SYBU: variants seen among roughly 807,000 people sequenced by gnomAD.
SYBU encodes syntabulin.
Under a neutral mutation model 35.9 loss-of-function variants are expected in SYBU, and 21 were observed. The ratio of observed to expected loss-of-function variants is 0.58; its 90% CI spans 0.41 to 0.84. The LOEUF (loss-of-function observed/expected upper bound fraction) is 0.84. SYBU is among the 40% of genes least tolerant of loss of function. The pLI is 0.00. For missense variants in SYBU, 768 were observed against 848.2 expected (o/e 0.91, Z 1.17); for synonymous variants, 319 against 324.3 (o/e 0.98, Z 0.18).
At chr8:109,665,174 A>G (rs1461324011) in intron 1 of SYBU, among the ~76,000 whole-genome samples, 1 of 152,222 alleles carries the variant, frequency 6.6e-6, no homozygotes, top group African/African-American at 2.4e-5. Flanking sequence ...TAATTTAACA[A>G]TGTATTTTAT....
At chr8:109,686,011 C>T (rs1379841837) in intron 1 of SYBU, among the ~76,000 whole-genome samples, 2 of 152,200 alleles carry the variant, frequency 1.3e-5, no homozygotes, top group Non-Finnish European at 2.9e-5. Context: ...ATTCGTCCTA[C>T]AAGCACATCA....
upstream of SYBU, chr8:109,644,833 G>T (rs1815435796): frequency 1.6e-6 from 1 of 631,770 alleles, no homozygotes; most frequent in Admixed American, 3.9e-5. Flanking sequence ...GGGCTCCGAG[G>T]GCACGCCCGA....
intron 4 of SYBU, among the ~76,000 whole-genome samples, chr8:109,582,202 C>T (rs1345467252): frequency 5.9e-5 from 9 of 152,126 alleles, no homozygotes; most frequent in African/African-American, 1.4e-4. Flanking sequence ...GTGACCCTGG[C>T]GCTGTTTCAG....
At chr8:109,577,824 A>C in intron 6 of SYBU, 44 bp downstream of exon 6, 2 of 1,518,432 alleles carry the variant, frequency 1.3e-6, no homozygotes, top group South Asian at 1.3e-5. Context: ...TTTATGGAGA[A>C]AGAAGTTGTC....
intron 1 of SYBU, 21 bp downstream of exon 1, chr8:109,644,615 G>C: frequency 1.9e-6 from 3 of 1,544,184 alleles, no homozygotes; most frequent in Non-Finnish European, 2.6e-6. Context: ...TCCAGTGCCC[G>C]CACTGCCCCG....
At chr8:109,628,427 G>T (rs942745558) in intron 2 of SYBU, among the ~76,000 whole-genome samples, 1 of 151,868 alleles carries the variant, frequency 6.6e-6, no homozygotes, top group African/African-American at 2.4e-5. Flanking sequence ...CCACCTCCTG[G>T]GCTCAGGTGA....
intron 1 of SYBU, among the ~76,000 whole-genome samples, chr8:109,661,281 A>G (rs1816550740): frequency 6.6e-6 from 1 of 152,234 alleles, no homozygotes; most frequent in African/African-American, 2.4e-5. Flanking sequence ...CAGGGTGAGG[A>G]GCAGCTAAAG....
intron 1 of SYBU, among the ~76,000 whole-genome samples, chr8:109,664,648 A>G (rs1816693545): frequency 6.6e-6 from 1 of 152,182 alleles, no homozygotes; most frequent in Non-Finnish European, 1.5e-5. Context: ...TCCACTTGCA[A>G]TTGGAAAAAA....
intron 2 of SYBU, among the ~76,000 whole-genome samples, chr8:109,634,040 A>AC (rs1388127652): frequency 6.6e-6 from 1 of 152,066 alleles, no homozygotes; most frequent in Non-Finnish European, 1.5e-5. Context: ...GGATATAATT[A>AC]CCTTTTAGAT....
Position 109,644,622 on chromosome 8 carries a change from C to T in SYBU, c.24+14G>A. 1.3e-6 allele frequency: 2 copies of T among 1,544,444 alleles called. No homozygotes were observed. The highest frequency in any genetic ancestry group is 1.4e-5 in the African/African-American group (1 of 72,720). On this transcript the variant is annotated intron_variant, in intron 1 of 6. Coordinates refer to ENST00000276646, the MANE Select transcript of SYBU (RefSeq NM_001099754.2). ...CCCCGCCCTCCAGTGCCCGCACTGC[C>T]CCGCGCTCCTTACCTTGCTCTCGCG... is the stretch of plus-strand genomic sequence containing the variant.
intron 3 of SYBU, among the ~76,000 whole-genome samples, chr8:109,606,675 T>C (rs1339424572): frequency 2.6e-5 from 4 of 152,188 alleles, no homozygotes; most frequent in Non-Finnish European, 5.9e-5. Context: ...GAAATTATAC[T>C]TATGAAATAT....
In SYBU at chr8:109,579,988, C is replaced by A. The variant is rs1822836035; in HGVS notation, c.545G>T (p.Gly182Val). The change falls in exon 5 of 7, where the codon GGG (glycine) becomes GTG (valine). Residue 182 changes from glycine (G) to valine (V), a missense_variant. Gly to Val is a moderately radical substitution (Grantham distance 109, BLOSUM62 -3). Coordinates refer to ENST00000276646, the MANE Select transcript of SYBU (RefSeq NM_001099754.2). ...SSSSRNRGPH[G>V]RSNGASSHKP... The stretch of plus-strand genomic sequence containing the variant: ...GTGTGACGAAGCTCCATTACTCCGC[C>A]CATGAGGACCTCGACTGGGAGAAAA... The A allele has an allele frequency of 1.2e-6, 2 of 1,612,914 alleles. No individual in the cohort carries two copies. Among genetic ancestry groups the A allele is most frequent in the Non-Finnish European group, 1.7e-6 (2 of 1,179,986 alleles).
chr8:109,677,034 A>ATG (rs10638682), intron 1 of SYBU, among the ~76,000 whole-genome samples: 2,796 of 146,108 alleles, frequency 0.019, 69 homozygotes, highest in African/African-American at 0.058. Context: ...CAGGGTGTTC[A>ATG]TGTGTGTGTG....
chr8:109,607,782 C>T (rs994864871), intron 3 of SYBU: 1 of 505,730 alleles, frequency 2.0e-6, no homozygotes, highest in Non-Finnish European at 3.5e-6. Flanking sequence ...TTGTTTTAGG[C>T]TCCATTTTGG....
chr8:109,691,193 T>G lies in SYBU; in HGVS notation c.-58+140A>C. On this transcript the variant is annotated intron_variant, in intron 1 of 7. Coordinates refer to the SYBU transcript ENST00000422135. This position sits in a 1 kb window ranked among gnomAD's most constrained non-coding sequence, Gnocchi z 4.7. ...TTCTTCTGTGCATCGCCGAGCACCC[T>G]GGATACCTCCCGCATTGGAAAGGGT... The G allele has an allele frequency of 1.7e-6, 1 of 596,240 alleles. No individual in the cohort carries two copies. The highest frequency in any genetic ancestry group is 3.3e-5 in the East Asian group (1 of 30,660). 36.9% of individuals were successfully genotyped at this position (596,240 alleles called of 1,614,324 possible). A position where few individuals can be genotyped will look rare whatever the true frequency, so the allele number is the denominator to read the frequency against.
At chr8:109,664,958 T>C (rs1816704203) in intron 1 of SYBU, among the ~76,000 whole-genome samples, 1 of 152,164 alleles carries the variant, frequency 6.6e-6, no homozygotes, top group African/African-American at 2.4e-5. Flanking sequence ...TAGCAAATGA[T>C]ATATTCTAAT....
chr8:109,631,837 A>G (rs1197990688), intron 2 of SYBU, among the ~76,000 whole-genome samples: 1 of 152,120 alleles, frequency 6.6e-6, no homozygotes, highest in African/African-American at 2.4e-5. Context: ...TGATCTTTCC[A>G]AAATAGGCAT....
intron 3 of SYBU, among the ~76,000 whole-genome samples, chr8:109,611,508 G>T (rs1208796349): frequency 6.6e-6 from 1 of 152,188 alleles, no homozygotes; most frequent in Non-Finnish European, 1.5e-5. Context: ...CTGGGGAGAT[G>T]TGATAAACTA....
At chr8:109,635,864 C>T (rs2130573317) in intron 2 of SYBU, among the ~76,000 whole-genome samples, 1 of 152,380 alleles carries the variant, frequency 6.6e-6, no homozygotes, top group Admixed American at 6.5e-5. Flanking sequence ...AAACCCTCCA[C>T]TGGCTCTGCA....
Sources: gnomAD v4.1 joint callset for allele counts (sites outside exome capture counted in the v4.1 genomes callset) on GRCh38, gnomAD v4.1.1 for gene constraint, Gnocchi (gnomAD v3.1) non-coding constraint, MANE v1.5 for transcripts, NCBI Gene and HGNC (gene_info 2026-07-23, HGNC 2026-07-21) for gene names.